Variants in KLRD1 observed in about 807,000 individuals in gnomAD.
The protein encoded by KLRD1 is natural killer cells antigen CD94.
In KLRD1, 21 loss-of-function variants were observed where a neutral mutation model predicts 22.6. The observed-to-expected ratio is 0.93, with a 90% CI of 0.66 to 1.34. The LOEUF is 1.34. Ranked by LOEUF, KLRD1 falls within the 40% of genes most tolerant of loss-of-function variation. The probability of loss-of-function intolerance (pLI) is 0.00; values close to 1 mark genes in which losing one functional copy is unlikely to be tolerated. For synonymous variants in KLRD1, 59 were observed against 71.1 expected, an observed-to-expected ratio of 0.83 and a Z score of 0.85; for missense variants, 183 against 208.6, an observed-to-expected ratio of 0.88 and a Z score of 0.76.
At chr12:10,265,164 A>G (rs1489261020) in intron 1 of KLRD1, among the ~76,000 whole-genome samples, 1 of 152,104 alleles carries the variant, frequency 6.6e-6, no homozygotes, top group Non-Finnish European at 1.5e-5. Context: ...TTTTACTTTT[A>G]AAAAAATTTT....
chr12:10,279,553 G>T (rs997138914), intron 1 of KLRD1, among the ~76,000 whole-genome samples: 16 of 152,030 alleles, frequency 1.1e-4, no homozygotes, highest in African/African-American at 3.6e-4. Context: ...GTATTCAGGG[G>T]TTTTCTTTAT....
chr12:10,295,901 T>C (rs1949817004), intron 1 of KLRD1, among the ~76,000 whole-genome samples: 1 of 152,206 alleles, frequency 6.6e-6, no homozygotes, highest in Non-Finnish European at 1.5e-5. Flanking sequence ...ATCATAATTC[T>C]AATACCGTGT....
In KLRD1 at chr12:10,259,782, A is replaced by G. The variant is rs531739759; in HGVS notation, c.-101+33549A>G. Among the ~76,000 whole-genome samples, 28 of 152,304 alleles carry G rather than the reference A, an allele frequency of 1.8e-4. 1 individual carries two copies. Among genetic ancestry groups the G allele is most frequent in the African/African-American group, 5.8e-4 (24 of 41,566 alleles). On this transcript the variant is annotated intron_variant, in intron 1 of 5. Coordinates refer to the KLRD1 transcript ENST00000544747. ...GGAGTTTGAGATCAGCCTGGCCAAC[A>G]TGGTGAAACCCTGTCTTTACTAGAA...
intron 1 of KLRD1, among the ~76,000 whole-genome samples, chr12:10,266,024 T>C (rs962394202): frequency 5.9e-5 from 9 of 152,340 alleles, no homozygotes; most frequent in Admixed American, 6.5e-5. Context: ...GCTGTGTATA[T>C]ATATTTTTTG....
chr12:10,310,208 T>G (rs924794508), intron 3 of KLRD1, among the ~76,000 whole-genome samples: 1 of 152,114 alleles, frequency 6.6e-6, no homozygotes, highest in African/African-American at 2.4e-5. Context: ...GCCTCCCTGG[T>G]TCAAGTGATT....
intron 1 of KLRD1, among the ~76,000 whole-genome samples, chr12:10,262,664 A>G (rs181018392): frequency 2.7e-4 from 41 of 152,144 alleles, no homozygotes; most frequent in African/African-American, 9.4e-4. Context: ...TGCAGTCTCA[A>G]TGGTTGCCTT....
At chr12:10,310,623 A>G (rs1950041820) in intron 3 of KLRD1, among the ~76,000 whole-genome samples, 2 of 152,096 alleles carry the variant, frequency 1.3e-5, no homozygotes, top group South Asian at 4.1e-4. Context: ...CGTCTGTACT[A>G]AAAATACAAA....
At position 10,248,008 on chromosome 12, in the gene KLRD1, T is replaced by C. The variant is rs577910073; in HGVS notation, c.-101+21775T>C. Among the ~76,000 whole-genome samples the C allele has an allele frequency of 2.6e-5, 4 of 152,324 alleles. No individual in the cohort carries two copies. The East Asian group carries it at 7.7e-4, about 29-fold the overall frequency. On this transcript the variant is annotated intron_variant, in intron 1 of 5. Coordinates refer to the KLRD1 transcript ENST00000544747. Reference sequence around the variant, plus strand: ...CATTTTAATGTCTCTGAAATTAGCATGCCTCTCAAAATATATGAAGTCTTA... The same window carrying C: ...CATTTTAATGTCTCTGAAATTAGCACGCCTCTCAAAATATATGAAGTCTTA...
intron 1 of KLRD1, among the ~76,000 whole-genome samples, chr12:10,245,885 T>G (rs561224789): frequency 1.3e-5 from 2 of 152,310 alleles, no homozygotes; most frequent in Admixed American, 1.3e-4. Context: ...AGTGGCATGA[T>G]CACAGCTTAC....
At chr12:10,269,589 C>T (rs979715867) in intron 1 of KLRD1, among the ~76,000 whole-genome samples, 3 of 152,042 alleles carry the variant, frequency 2.0e-5, no homozygotes, top group Non-Finnish European at 2.9e-5. Flanking sequence ...TATCATAGTA[C>T]GTATCTTCAT....
chr12:10,301,950 G>A (rs1383533574), upstream of KLRD1, among the ~76,000 whole-genome samples: 1 of 152,120 alleles, frequency 6.6e-6, no homozygotes, highest in Non-Finnish European at 1.5e-5. Flanking sequence ...GAGGGAGAAC[G>A]AGATGGGGAA....
chr12:10,289,371 C>G (rs1949743756), intron 1 of KLRD1, among the ~76,000 whole-genome samples: 1 of 152,210 alleles, frequency 6.6e-6, no homozygotes, highest in Non-Finnish European at 1.5e-5. Context: ...ATTAAGGACT[C>G]TAATTAAGAA....
intron 1 of KLRD1, among the ~76,000 whole-genome samples, chr12:10,296,031 T>G: frequency 6.6e-6 from 1 of 152,330 alleles, no homozygotes; most frequent in Middle Eastern, 3.4e-3. Flanking sequence ...ATGTAGCTTT[T>G]TTTCCTATTT....
At position 10,314,684 on chromosome 12, in the gene KLRD1, T is replaced by C; in HGVS notation, c.431T>C (p.Phe144Ser). Residue 144 changes from phenylalanine (F) to serine (S), a missense_variant, in exon 6 of 6, where the codon TTT (phenylalanine) becomes TCT (serine). Phe to Ser is a radical substitution (Grantham distance 155, BLOSUM62 -2). Transcript: ENST00000336164. ...CTTCTTCATTACAGATTTCCATCAT[T>C]TGAAACTTTTAATACAAAGAACTGC... ...SALSQYLFPS[F>S]ETFNTKNCIA... 1 of 1,570,116 alleles carries C rather than the reference T, an allele frequency of 6.4e-7. No individual in the cohort carries two copies. The highest frequency in any genetic ancestry group is 8.6e-7 in the Non-Finnish European group (1 of 1,162,332).
At chr12:10,249,219 A>G (rs192717505) in intron 1 of KLRD1, among the ~76,000 whole-genome samples, 1 of 152,300 alleles carries the variant, frequency 6.6e-6, no homozygotes, top group East Asian at 1.9e-4. Context: ...AGTTGCTAAC[A>G]TCCCTTACAG....
chr12:10,324,843 T>TATATATATATATAC lies in KLRD1; in HGVS notation c.*10050_*10051insATATATATATATAC. The TATATATATATATAC allele has an allele frequency of 7.0e-6, 1 of 141,868 alleles. No homozygotes were observed. The highest frequency in any genetic ancestry group is 2.5e-5 in the African/African-American group (1 of 39,618). The allele number at this position is 141,868 out of a possible 1,614,324, so 8.8% of individuals were successfully genotyped here. On this transcript the variant is annotated 3_prime_UTR_variant, in exon 6 of 6. Transcript: ENST00000336164. ...GTATATATATATATATATATATATA[T>TATATATATATATAC]TCATTTACACAGTTGATTCTAAGTG... is the stretch of plus-strand genomic sequence containing the variant.
At chr12:10,249,824 T>C (rs1229703519) in intron 1 of KLRD1, among the ~76,000 whole-genome samples, 4 of 152,168 alleles carry the variant, frequency 2.6e-5, no homozygotes, top group Admixed American at 1.3e-4. Context: ...AAGGGACCCT[T>C]ACTCTGAGCT....
upstream of KLRD1, among the ~76,000 whole-genome samples, chr12:10,305,417 A>G (rs1368884812): frequency 6.6e-6 from 1 of 152,222 alleles, no homozygotes; most frequent in Non-Finnish European, 1.5e-5. Flanking sequence ...TGTGTATGCA[A>G]TAAATGTAGG....
intron 1 of KLRD1, among the ~76,000 whole-genome samples, chr12:10,289,690 C>CA (rs1203741716): frequency 2.6e-5 from 4 of 152,144 alleles, no homozygotes; most frequent in African/African-American, 9.7e-5. Flanking sequence ...TAGTGGGAAG[C>CA]AGTTTTCTGG....
Sources: allele counts gnomAD v4.1 joint callset (sites outside exome capture counted in the v4.1 genomes callset), GRCh38; gene constraint gnomAD v4.1.1; transcripts MANE v1.5; gene names NCBI Gene and HGNC (gene_info 2026-07-23, HGNC 2026-07-21).